Variants in ARHGEF17 observed in about 807,000 individuals in gnomAD.
ARHGEF17 encodes Rho guanine nucleotide exchange factor 17.
ARHGEF17 carries 80 observed loss-of-function variants against 174.0 expected under a neutral mutation model. The observed-to-expected ratio is 0.46, with a 90% CI of 0.38 to 0.55. The LOEUF (loss-of-function observed/expected upper bound fraction) is 0.55, where lower values mean the gene tolerates loss of function less well. Among genes scored for constraint, ARHGEF17 ranks in the 20% least tolerant of loss-of-function variants. The pLI is 0.00. For synonymous variants in ARHGEF17, 1,311 were observed against 1,189.1 expected (o/e 1.10, Z -2.11); for missense variants, 2,886 against 2,839.7 (o/e 1.02, Z -0.37).
Position 73,356,329 on chromosome 11 carries a change from C to T in ARHGEF17, c.3818C>T (p.Ala1273Val). ...GCCCGTGTGCTGCAGGAGATAGAGG[C>T]TCACATCGAGGGCATGGAGGATGTG... Reference protein sequence around the residue: ...RHARVLQEIEAHIEGMEDLQA... With the variant: ...RHARVLQEIEVHIEGMEDLQA... The change falls in exon 6 of 21, where the codon GCT becomes GTT. Residue 1273 changes from alanine to valine, a missense_variant. Physicochemically the swap from Ala to Val is moderately conservative, Grantham distance 64 (BLOSUM62 0). This residue lies in a region of ARHGEF17 where 353 missense variants were observed against 470.3 expected (regional missense o/e 0.75). Coordinates refer to ENST00000263674, the MANE Select transcript of ARHGEF17 (RefSeq NM_014786.4). 2 of 1,612,060 alleles carry T rather than the reference C, an allele frequency of 1.2e-6. No homozygotes were observed. Among genetic ancestry groups the T allele is most frequent in the Non-Finnish European group, 1.7e-6 (2 of 1,180,012 alleles).
At chr11:73,357,744 C>A (rs1865669678) in intron 9 of ARHGEF17, among the ~76,000 whole-genome samples, 1 of 152,250 alleles carries the variant, frequency 6.6e-6, no homozygotes, top group South Asian at 2.1e-4. Context: ...TGGAGCCATC[C>A]ATGTTGTTCA....
Position 73,308,475 on chromosome 11 carries a change from C to A in ARHGEF17, c.-164C>A. The A allele has an allele frequency of 1.6e-6, 1 of 629,288 alleles. No homozygotes were observed. The allele number at this position is 629,288 out of a possible 1,614,324, so 39.0% of individuals were successfully genotyped here. On this transcript the variant is annotated 5_prime_UTR_variant, in exon 1 of 21. Coordinates refer to ENST00000263674, the MANE Select transcript of ARHGEF17 (RefSeq NM_014786.4). Reference sequence around the variant, plus strand: ...ACGTTGCGGCCGGTGGCCACAGAAACTTGAGCCGCGGCAGAGAAACCTCTG... The same window carrying A: ...ACGTTGCGGCCGGTGGCCACAGAAAATTGAGCCGCGGCAGAGAAACCTCTG...
rs1565183227 is a variant in ARHGEF17 at position 73,309,726 on chromosome 11, C to G, written c.1088C>G (p.Ser363Cys). ...CCCCAGGAGGGACTTCGGCCTATGT[C>G]TGACTCTGTGGGAGGAGCTTTCCGT... The part of the protein sequence containing the change: ...PGPQEGLRPM[S>C]DSVGGAFRVA... Residue 363 changes from serine to cysteine, a missense_variant, in exon 1 of 21, where the codon TCT becomes TGT. Physicochemically the swap from Ser to Cys is moderately radical, Grantham distance 112. Around this residue, in one of 4 missense-constraint regions of ARHGEF17, gnomAD observed 1,728 missense variants for 1,461.2 expected, o/e 1.18. Transcript: ENST00000263674. 3 of 1,612,944 alleles carry G rather than the reference C, an allele frequency of 1.9e-6. No individual in the cohort carries two copies. Among genetic ancestry groups the G allele is most frequent in the South Asian group, 2.2e-5 (2 of 91,088 alleles).
chr11:73,318,922 C>T (rs947595471), intron 1 of ARHGEF17, among the ~76,000 whole-genome samples: 4 of 152,226 alleles, frequency 2.6e-5, no homozygotes, highest in East Asian at 1.9e-4. Flanking sequence ...CAGGCCTGCC[C>T]GCCTCTGGCG....
chr11:73,365,678 G>A lies in ARHGEF17; in HGVS notation c.5726G>A (p.Gly1909Asp). The change falls in exon 20 of 21, where the codon GGC becomes GAC. Residue 1909 changes from glycine (G) to aspartate (D), a missense_variant and splice_region_variant. By Grantham distance (94) the Gly-to-Asp change is moderately conservative. This residue lies in a region of ARHGEF17 where 329 missense variants were observed against 435.2 expected (regional missense o/e 0.76). Transcript: ENST00000263674. This position sits in a 1 kb window ranked among gnomAD's most constrained non-coding sequence, Gnocchi z 4.9. ...AGCTGTGGTCTGTCTCCCACCCCAG[G>A]CTCGGATGCCATCATCCGGCAGCAC... ...VTPPVHRMLA[G>D]SDAIIRQHKA... 2 of 1,611,866 alleles carry A rather than the reference G, an allele frequency of 1.2e-6. No homozygotes were observed. Among genetic ancestry groups the A allele is most frequent in the South Asian group, 1.1e-5 (1 of 91,054 alleles).
At position 73,309,164 on chromosome 11, in the gene ARHGEF17, T is replaced by C. The variant is rs1209524735; in HGVS notation, c.526T>C (p.Cys176Arg). ...GCCACCGACGCCACCCCCTCGGACATGCTTCCCCCTGGCGGGTCTGCGTTC... is the reference window on the plus strand; with the variant it reads ...GCCACCGACGCCACCCCCTCGGACACGCTTCCCCCTGGCGGGTCTGCGTTC... Reference protein sequence around the residue: ...RQPPTPPPRTCFPLAGLRSAR... With the variant: ...RQPPTPPPRTRFPLAGLRSAR... Residue 176 changes from cysteine (C) to arginine (R), a missense_variant, in exon 1 of 21, where the codon TGC (cysteine) becomes CGC (arginine). Around this residue, in one of 4 missense-constraint regions of ARHGEF17, gnomAD observed 1,728 missense variants for 1,461.2 expected, o/e 1.18. Transcript: ENST00000263674. 1.3e-6 allele frequency: 2 copies of C among 1,590,322 alleles called. No individual in the cohort carries two copies. The highest frequency in any genetic ancestry group is 3.4e-5 in the Admixed American group (2 of 58,206).
Position 73,308,390 on chromosome 11 carries a change from C to T in ARHGEF17, c.-249C>T. 5.2e-6 allele frequency: 2 copies of T among 386,438 alleles called. No homozygotes were observed. The highest frequency in any genetic ancestry group is 3.8e-5 in the East Asian group (1 of 25,996). 23.9% of individuals were successfully genotyped at this position (386,438 alleles called of 1,614,324 possible). A position where few individuals can be genotyped will look rare whatever the true frequency, so the allele number is the denominator to read the frequency against. ...CCGCGGTGCCCCTGGTCGCTCCAGC[C>T]GCGGCGGGGGCTGGGCCTGGGGGTC... On this transcript the variant is annotated 5_prime_UTR_variant, in exon 1 of 21. Coordinates refer to ENST00000263674, the MANE Select transcript of ARHGEF17 (RefSeq NM_014786.4).
intron 1 of ARHGEF17, among the ~76,000 whole-genome samples, chr11:73,315,034 A>T (rs1263013312): frequency 6.6e-6 from 1 of 152,230 alleles, no homozygotes; most frequent in East Asian, 1.9e-4. Flanking sequence ...TGTGCCAGAC[A>T]CTATCTGTTT....
intron 13 of ARHGEF17, 71 bp from the exon 14 acceptor site, chr11:73,362,362 G>C: frequency 6.9e-7 from 1 of 1,455,504 alleles, no homozygotes; most frequent in East Asian, 2.4e-5. Context: ...GGGCGGGGTC[G>C]GTGGGCGTGT....
At chr11:73,347,045 G>A in intron 2 of ARHGEF17, 85 bp downstream of exon 2, 1 of 1,316,200 alleles carries the variant, frequency 7.6e-7, no homozygotes, top group Admixed American at 2.0e-5. Flanking sequence ...CCCTTTCATG[G>A]ACAAGGGACT....
intron 1 of ARHGEF17, among the ~76,000 whole-genome samples, chr11:73,319,938 C>T (rs1269581479): frequency 1.3e-5 from 2 of 151,834 alleles, no homozygotes; most frequent in Admixed American, 6.6e-5. Flanking sequence ...GGGATGAGGC[C>T]GCTCCCAAGA....
Position 73,365,976 on chromosome 11 carries a change from G to C in ARHGEF17, c.5995+29G>C. 6.3e-7 allele frequency: 1 copy of C among 1,585,054 alleles called. No homozygotes were observed. Among genetic ancestry groups the C allele is most frequent in the Non-Finnish European group, 8.6e-7 (1 of 1,168,424 alleles). ...GGTCAGTGCATCATACCCCAAGCTA[G>C]GGATCATGGACATTTGGTTTAGGAC... On this transcript the variant is annotated intron_variant, in intron 20 of 20. Transcript: ENST00000263674. This position sits in a 1 kb window ranked among gnomAD's most constrained non-coding sequence, Gnocchi z 4.9.
chr11:73,339,530 A>G (rs935685184), intron 1 of ARHGEF17, among the ~76,000 whole-genome samples: 5 of 152,144 alleles, frequency 3.3e-5, no homozygotes, highest in African/African-American at 9.7e-5. Context: ...TTGGTCCAGC[A>G]CCAGCTGGAG....
At chr11:73,313,931 G>A (rs1864885761) in intron 1 of ARHGEF17, among the ~76,000 whole-genome samples, 1 of 152,224 alleles carries the variant, frequency 6.6e-6, no homozygotes, top group Non-Finnish European at 1.5e-5. Context: ...AGGCTGCACT[G>A]CCCAGCTGCT....
intron 1 of ARHGEF17, among the ~76,000 whole-genome samples, chr11:73,335,510 A>G (rs550471165): frequency 4.0e-4 from 61 of 151,988 alleles, no homozygotes; most frequent in Non-Finnish European, 6.9e-4. Flanking sequence ...TCTTCTTGAA[A>G]TTGGGAGGGA....
At chr11:73,312,068 G>A (rs899562178) in intron 1 of ARHGEF17, among the ~76,000 whole-genome samples, 1 of 152,236 alleles carries the variant, frequency 6.6e-6, no homozygotes, top group Non-Finnish European at 1.5e-5. Flanking sequence ...GGTCTTGTCT[G>A]CTCCAGGTGT....
rs201830165 is a variant in ARHGEF17 at position 73,311,283 on chromosome 11, G to A, written c.2645G>A (p.Arg882Gln). 39 of 1,613,000 alleles carry A rather than the reference G, an allele frequency of 2.4e-5. No individual in the cohort carries two copies. Among genetic ancestry groups the A allele is most frequent in the Non-Finnish European group, 3.1e-5 (36 of 1,179,978 alleles). The change falls in exon 1 of 21, where the codon CGG becomes CAG. Residue 882 changes from arginine (R) to glutamine (Q), a missense_variant. Transcript: ENST00000263674. ...GAAGAACCTGGTGCCACCAGGAGCCGGGCACAGTCTGAAAGGGCCCTACCT... is the reference window on the plus strand; with the variant it reads ...GAAGAACCTGGTGCCACCAGGAGCCAGGCACAGTCTGAAAGGGCCCTACCT... ...EPEEPGATRS[R>Q]AQSERALPEA...
In ARHGEF17 at chr11:73,350,356, C is replaced by T. The variant is rs1026613920; in HGVS notation, c.3271-2474C>T. On this transcript the variant is annotated intron_variant, in intron 2 of 20. Transcript: ENST00000263674. ...AAGCCTGACTATAAACCCCATTTTGCAGATGATGCAGCTGAGACACAGAGA... is the reference window on the plus strand; with the variant it reads ...AAGCCTGACTATAAACCCCATTTTGTAGATGATGCAGCTGAGACACAGAGA... Among the ~76,000 whole-genome samples the T allele has an allele frequency of 5.3e-5, 8 of 152,284 alleles. No individual in the cohort carries two copies. In the South Asian group the frequency reaches 8.3e-4, roughly 16 times the overall value.
intron 1 of ARHGEF17, among the ~76,000 whole-genome samples, chr11:73,344,425 C>G: frequency 6.6e-6 from 1 of 152,220 alleles, no homozygotes. Flanking sequence ...CGTCAGCCTC[C>G]CCGTGTCACC....
Sources: gnomAD v4.1 joint callset for allele counts (sites outside exome capture counted in the v4.1 genomes callset) on GRCh38, gnomAD v4.1.1 for gene constraint, gnomAD v4.1.1 regional missense constraint, Gnocchi (gnomAD v3.1) non-coding constraint, MANE v1.5 for transcripts, NCBI Gene and HGNC (gene_info 2026-07-23, HGNC 2026-07-21) for gene names.